Variants in PLEKHD1 observed in about 807,000 individuals in gnomAD.
PLEKHD1 encodes pleckstrin homology domain-containing family D member 1.
In PLEKHD1, 51 loss-of-function variants were observed where a neutral mutation model predicts 69.2. The ratio of observed to expected loss-of-function variants is 0.74; its 90% CI spans 0.59 to 0.93. The LOEUF is 0.93. PLEKHD1 is among the 40% of genes least tolerant of loss of function. The pLI is 0.00. For missense variants in PLEKHD1, 584 were observed against 641.0 expected, an observed-to-expected ratio of 0.91 and a Z score of 0.96; for synonymous variants, 236 against 244.7, an observed-to-expected ratio of 0.96 and a Z score of 0.33.
rs1344790479 is a variant in PLEKHD1, at chr14:69,500,594, G to T, written c.261G>T (p.Gly87=). 1.3e-6 allele frequency: 2 copies of T among 1,550,744 alleles called. No individual in the cohort carries two copies. Among genetic ancestry groups the T allele is most frequent in the Non-Finnish European group, 1.7e-6 (2 of 1,146,558 alleles). The change falls in exon 3 of 13, where the codon GGG becomes GGT. Residue 87 remains glycine (G), a synonymous_variant. Transcript: ENST00000322564. The stretch of plus-strand genomic sequence containing the variant: ...TTCCTCAGGGCGTCATCCCTCTGGG[G>T]GGCTGCCTGGTGGAGCCCAAGGAAG... ...NIHPKGVIPL[G]GCLVEPKEEP... is the part of the protein sequence containing the mutation.
At chr14:69,469,389 T>G in the PLEKHD1 span, among the ~76,000 whole-genome samples, 1 of 152,004 alleles carries the variant, frequency 6.6e-6, no homozygotes, top group East Asian at 1.9e-4. Flanking sequence ...AATTCAACCA[T>G]TCTTTCTTAA....
At chr14:69,501,539 A>G in intron 4 of PLEKHD1, 195 bp from the exon 5 acceptor site, 1 of 483,292 alleles carries the variant, frequency 2.1e-6, no homozygotes. Context: ...GCCAGCCTCC[A>G]GCTACTGTAA....
Position 69,526,837 on chromosome 14 carries a change from C to G in PLEKHD1, c.1056+8C>G, listed in dbSNP as rs562816566. 6.5e-7 allele frequency: 1 copy of G among 1,529,110 alleles called. No individual in the cohort carries two copies. Among genetic ancestry groups the G allele is most frequent in the East Asian group, 2.5e-5 (1 of 40,674 alleles). The allele number at this position is 1,529,110 out of a possible 1,614,324, so 94.7% of individuals were successfully genotyped here. ...GCTGAGCGGGAGCTCAAGGTGCGAC[C>G]TGGCCTGCTGGTGCCAGGGCCCTTC... On this transcript the variant is annotated splice_region_variant and intron_variant, in intron 10 of 12. Coordinates refer to ENST00000322564, the MANE Select transcript of PLEKHD1 (RefSeq NM_001161498.2).
chr14:69,526,601 G>T (rs972760382), intron 9 of PLEKHD1, 96 bp from the exon 10 acceptor site: 8 of 1,378,618 alleles, frequency 5.8e-6, no homozygotes, highest in Non-Finnish European at 5.7e-6. Flanking sequence ...GGGATTCAAG[G>T]TTTCTCCAGC....
intron 11 of PLEKHD1, among the ~76,000 whole-genome samples, 173 bp from the exon 12 acceptor site, chr14:69,527,610 A>G (rs1222553654): frequency 1.3e-5 from 2 of 152,240 alleles, no homozygotes; most frequent in African/African-American, 4.8e-5. Flanking sequence ...AGATGGCTGC[A>G]GATTGTGGTT....
At position 69,500,722 on chromosome 14, in the gene PLEKHD1, G is replaced by A. The variant is rs576380367; in HGVS notation, c.333+56G>A. The A allele has an allele frequency of 9.2e-5, 142 of 1,535,778 alleles. No individual in the cohort carries two copies. The African/African-American group carries it at 1.8e-3, about 19-fold the overall frequency. The stretch of plus-strand genomic sequence containing the variant: ...CCGCAGGAGCAGACCAGCCTCTCAG[G>A]CCTCTTCAGGACACACATCCCATGT... On this transcript the variant is annotated intron_variant, in intron 3 of 12. Coordinates refer to ENST00000322564, the MANE Select transcript of PLEKHD1 (RefSeq NM_001161498.2).
At chr14:69,500,830 G>A (rs1433861741) in intron 3 of PLEKHD1, 41 bp from the exon 4 acceptor site, 2 of 1,549,730 alleles carry the variant, frequency 1.3e-6, no homozygotes, top group African/African-American at 1.4e-5. Context: ...CCCTCAGCGT[G>A]GCTGCCTCTC....
intron 11 of PLEKHD1, 145 bp downstream of exon 11, chr14:69,527,477 C>A: frequency 1.6e-6 from 2 of 1,235,678 alleles, no homozygotes; most frequent in South Asian, 3.0e-5. Context: ...CTCCAGTTAC[C>A]TGCCTGCAGG....
Position 69,531,139 on chromosome 14 carries a change from T to G in PLEKHD1, c.*2720T>G, listed in dbSNP as rs1371522070. On this transcript the variant is annotated 3_prime_UTR_variant, in exon 13 of 13. Coordinates refer to ENST00000322564, the MANE Select transcript of PLEKHD1 (RefSeq NM_001161498.2). ...CTCTGTCTCAGAAAAAAAAAAAAGG[T>G]CCCACCTCTTAATATTGTTACAATG... 3 of 150,344 alleles carry G rather than the reference T, an allele frequency of 2.0e-5. No homozygotes were observed. Among genetic ancestry groups the G allele is most frequent in the Non-Finnish European group, 3.0e-5 (2 of 67,640 alleles). 9.3% of individuals were successfully genotyped at this position (150,344 alleles called of 1,614,324 possible).
At chr14:69,478,457 A>C in the PLEKHD1 span, among the ~76,000 whole-genome samples, 1 of 152,166 alleles carries the variant, frequency 6.6e-6, no homozygotes, top group Non-Finnish European at 1.5e-5. Flanking sequence ...CTATCACATT[A>C]TCAGGCTGCA....
intron 1 of PLEKHD1, among the ~76,000 whole-genome samples, chr14:69,491,418 TGGATCCTCCCA>T (rs1335499682): frequency 6.6e-6 from 1 of 152,196 alleles, no homozygotes; most frequent in Non-Finnish European, 1.5e-5. Context: ...TCTGGACTCT[TGGATCCTCCCA>T]GGATCCTCTC....
At chr14:69,480,513 C>T (rs1286623390), upstream of PLEKHD1, among the ~76,000 whole-genome samples, 1 of 152,224 alleles carries the variant, frequency 6.6e-6, no homozygotes, top group African/African-American at 2.4e-5. Context: ...CACTTTTGTC[C>T]AGGTTGCTGG....
chr14:69,497,255 C>G (rs961891704), intron 1 of PLEKHD1, among the ~76,000 whole-genome samples: 1 of 152,194 alleles, frequency 6.6e-6, no homozygotes, highest in Non-Finnish European at 1.5e-5. Context: ...GCTGACTTGC[C>G]GAAGGACCCC....
At chr14:69,494,102 A>C (rs1298863968) in intron 1 of PLEKHD1, among the ~76,000 whole-genome samples, 1 of 152,266 alleles carries the variant, frequency 6.6e-6, no homozygotes, top group Non-Finnish European at 1.5e-5. Context: ...GTCTGAACCC[A>C]ATCATAATAA....
At chr14:69,513,563 A>C (rs977703252) in intron 6 of PLEKHD1, among the ~76,000 whole-genome samples, 2 of 152,162 alleles carry the variant, frequency 1.3e-5, no homozygotes, top group Non-Finnish European at 2.9e-5. Context: ...CATACTATTA[A>C]ATTAGGTTTT....
chr14:69,504,178 G>C (rs1267470832), intron 6 of PLEKHD1, among the ~76,000 whole-genome samples: 1 of 152,206 alleles, frequency 6.6e-6, no homozygotes, highest in Non-Finnish European at 1.5e-5. Flanking sequence ...ACGAATATCT[G>C]TGTTTGTTAG....
At chr14:69,498,658 C>CTTCTA (rs1455309480) in intron 1 of PLEKHD1, among the ~76,000 whole-genome samples, 1 of 135,572 alleles carries the variant, frequency 7.4e-6, no homozygotes, top group Non-Finnish European at 1.6e-5. Context: ...CTTCTCTTCT[C>CTTCTA]TTCTTTGAGA....
At chr14:69,476,648 A>C in the PLEKHD1 span, among the ~76,000 whole-genome samples, 32 of 152,328 alleles carry the variant, frequency 2.1e-4, no homozygotes, top group Middle Eastern at 3.4e-3. Context: ...TGGGAATAAG[A>C]GAAGCATTGT....
At chr14:69,499,179 G>T (rs371286720) in intron 1 of PLEKHD1, among the ~76,000 whole-genome samples, 1 of 151,874 alleles carries the variant, frequency 6.6e-6, no homozygotes, top group African/African-American at 2.4e-5. Context: ...GCCCATCTGA[G>T]CTGGCTCCAA....
Sources: allele counts gnomAD v4.1 joint callset (sites outside exome capture counted in the v4.1 genomes callset), GRCh38; gene constraint gnomAD v4.1.1; transcripts MANE v1.5; gene names NCBI Gene and HGNC (gene_info 2026-07-23, HGNC 2026-07-21).